The following COL26A1 variants were observed in gnomAD, a reference collection of about 807,000 sequenced individuals.
COL26A1 encodes the protein collagen alpha-1(XXVI) chain.
Under a neutral mutation model 59.3 loss-of-function variants are expected in COL26A1, and 41 were observed. That is an observed-to-expected ratio of 0.69 (90% confidence interval 0.54 to 0.90). The LOEUF is 0.90. Ranked by LOEUF, COL26A1 falls within the 40% of genes least tolerant of loss-of-function variation. The pLI is 0.00. For synonymous variants in COL26A1, 266 were observed against 256.0 expected, an observed-to-expected ratio of 1.04 and a Z score of -0.37; for missense variants, 612 against 602.3, an observed-to-expected ratio of 1.02 and a Z score of -0.17.
At chr7:101,381,038 A>G (rs1304509122) in intron 1 of COL26A1, among the ~76,000 whole-genome samples, 1 of 152,184 alleles carries the variant, frequency 6.6e-6, no homozygotes, top group African/African-American at 2.4e-5. Flanking sequence ...AAGCTGTGTT[A>G]GATTCGTTTT....
intron 2 of COL26A1, among the ~76,000 whole-genome samples, chr7:101,433,919 A>G (rs1351962988): frequency 1.3e-5 from 2 of 152,080 alleles, no homozygotes; most frequent in African/African-American, 4.8e-5. Flanking sequence ...CAGCACATTG[A>G]GGTGCTCAAC....
intron 3 of COL26A1, among the ~76,000 whole-genome samples, chr7:101,479,514 C>A (rs1244441924): frequency 6.6e-6 from 1 of 152,126 alleles, no homozygotes; most frequent in African/African-American, 2.4e-5. Context: ...GGAGGTAATT[C>A]ATTCCTTTTC....
At chr7:101,399,238 C>T (rs575472743) in intron 1 of COL26A1, among the ~76,000 whole-genome samples, 1 of 152,110 alleles carries the variant, frequency 6.6e-6, no homozygotes, top group African/African-American at 2.4e-5. Context: ...CCCAGGAGGT[C>T]AAGGCAACAA....
intron 3 of COL26A1, among the ~76,000 whole-genome samples, chr7:101,471,233 A>G (rs1382108650): frequency 1.3e-5 from 2 of 152,122 alleles, no homozygotes; most frequent in African/African-American, 4.8e-5. Flanking sequence ...AATTAAGCAT[A>G]AGGGCTTTAT....
rs370322437 is a variant in COL26A1 at position 101,421,111 on chromosome 7, G to T, written c.281+1012G>T. ...CTCCAGAGAACCAATAGGAAGGGATGGGGGAGAGGGAGAGTGGGAGAGAGA... is the reference window on the plus strand; with the variant it reads ...CTCCAGAGAACCAATAGGAAGGGATTGGGGAGAGGGAGAGTGGGAGAGAGA... On this transcript the variant is annotated intron_variant, in intron 2 of 12. Coordinates refer to ENST00000313669, the MANE Select transcript of COL26A1 (RefSeq NM_001278563.3). Among the ~76,000 whole-genome samples, 510 of 152,266 alleles carry T rather than the reference G, an allele frequency of 3.3e-3. 1 individual carries two copies. The highest frequency in any genetic ancestry group is 0.014 in the Middle Eastern group (4 of 294).
At chr7:101,479,252 AC>A (rs1794109267) in intron 3 of COL26A1, among the ~76,000 whole-genome samples, 1 of 150,256 alleles carries the variant, frequency 6.7e-6, no homozygotes, top group Non-Finnish European at 1.5e-5. Flanking sequence ...TAGAATTATT[AC>A]ATTTTGGACA....
At chr7:101,402,657 TCCTTC>T (rs386716247) in intron 1 of COL26A1, among the ~76,000 whole-genome samples, 8 of 112,816 alleles carry the variant, frequency 7.1e-5, no homozygotes, top group Non-Finnish European at 1.2e-4. Flanking sequence ...CTTCCTTCCT[TCCTTC>T]CCTCCCTCCC....
intron 1 of COL26A1, among the ~76,000 whole-genome samples, chr7:101,364,160 C>T (rs1261865254): frequency 2.0e-5 from 3 of 152,158 alleles, no homozygotes; most frequent in Admixed American, 6.5e-5. Flanking sequence ...GCTCCGGAGC[C>T]CGCATTTGAA....
chr7:101,410,646 C>T (rs1316192334), intron 1 of COL26A1, among the ~76,000 whole-genome samples: 1 of 152,044 alleles, frequency 6.6e-6, no homozygotes, highest in South Asian at 2.1e-4. Context: ...TCCTGAGTAG[C>T]TGGGACTACA....
chr7:101,417,904 T>C (rs1792416996), intron 1 of COL26A1, among the ~76,000 whole-genome samples: 1 of 151,930 alleles, frequency 6.6e-6, no homozygotes, highest in South Asian at 2.1e-4. Context: ...TTTGCATTTT[T>C]AGTAGAGACA....
chr7:101,538,910 C>T (rs1277908294), intron 4 of COL26A1, among the ~76,000 whole-genome samples: 1 of 152,252 alleles, frequency 6.6e-6, no homozygotes, highest in Non-Finnish European at 1.5e-5. Context: ...TCCTTCACGC[C>T]CCTCGGCCCC....
intron 1 of COL26A1, among the ~76,000 whole-genome samples, chr7:101,368,731 G>GT (rs1320577330): frequency 6.6e-6 from 1 of 152,120 alleles, no homozygotes; most frequent in African/African-American, 2.4e-5. Flanking sequence ...GTCCTAACCT[G>GT]TTTTAGCTAG....
intron 1 of COL26A1, among the ~76,000 whole-genome samples, chr7:101,407,275 T>C (rs1313007048): frequency 2.6e-5 from 4 of 152,158 alleles, no homozygotes; most frequent in African/African-American, 9.7e-5. Flanking sequence ...CTACAGGATG[T>C]TGGGGCAGAA....
At chr7:101,510,458 A>C (rs958139895) in intron 3 of COL26A1, among the ~76,000 whole-genome samples, 2 of 152,170 alleles carry the variant, frequency 1.3e-5, no homozygotes, top group Non-Finnish European at 2.9e-5. Context: ...CCCATGTCAC[A>C]CACACCTTTG....
In COL26A1 at chr7:101,558,998, A is replaced by C. The variant is rs1035252949; in HGVS notation, c.*1468A>C. 1 of 152,180 alleles carries C rather than the reference A, an allele frequency of 6.6e-6. No homozygotes were observed. Among genetic ancestry groups the C allele is most frequent in the Non-Finnish European group, 1.5e-5 (1 of 68,088 alleles). The allele number at this position is 152,180 out of a possible 1,614,324, so 9.4% of individuals were successfully genotyped here. A position where few individuals can be genotyped will look rare whatever the true frequency, so the allele number is the denominator to read the frequency against. On this transcript the variant is annotated 3_prime_UTR_variant, in exon 13 of 13. Transcript: ENST00000313669. ...CACCAGCCTGTAGCGTTATTATTAT[A>C]TGTGACAATAAAGGTGCTCTCCCCA...
intron 3 of COL26A1, among the ~76,000 whole-genome samples, chr7:101,498,253 G>C (rs1794630593): frequency 6.6e-6 from 1 of 152,086 alleles, no homozygotes; most frequent in East Asian, 1.9e-4. Flanking sequence ...CTCCATTTTG[G>C]TTTGGTCTGT....
intron 1 of COL26A1, among the ~76,000 whole-genome samples, chr7:101,387,776 A>ATTTTTTTTTTTTT (rs1445116473): frequency 1.2e-5 from 1 of 84,768 alleles, no homozygotes; most frequent in Non-Finnish European, 2.2e-5. Context: ...ATATATATAT[A>ATTTTTTTTTTTTT]TATTTTTTTT....
At chr7:101,409,267 A>G (rs1019809140) in intron 1 of COL26A1, among the ~76,000 whole-genome samples, 3 of 152,130 alleles carry the variant, frequency 2.0e-5, no homozygotes, top group Non-Finnish European at 2.9e-5. Context: ...CTTGAGGGAT[A>G]TGGGTAAGAA....
intron 3 of COL26A1, among the ~76,000 whole-genome samples, chr7:101,504,863 TTA>T: frequency 6.6e-6 from 1 of 151,944 alleles, no homozygotes; most frequent in South Asian, 2.1e-4. Flanking sequence ...CTGTGTCCAT[TTA>T]TGTGTGTGGG....
Sources: gnomAD v4.1 joint callset for allele counts (sites outside exome capture counted in the v4.1 genomes callset) on GRCh38, gnomAD v4.1.1 for gene constraint, MANE v1.5 for transcripts, NCBI Gene and HGNC (gene_info 2026-07-23, HGNC 2026-07-21) for gene names.